Variants in SURF6 observed in about 807,000 individuals in gnomAD.
The protein encoded by SURF6 is surfeit 6, also known as surfeit locus protein 6.
Under a neutral mutation model 37.5 loss-of-function variants are expected in SURF6, and 28 were observed. The observed-to-expected ratio is 0.75, with a 90% CI of 0.55 to 1.02. The LOEUF is 1.02. Among genes scored for constraint, SURF6 ranks in the 50% least tolerant of loss-of-function variants. SURF6 has a pLI of 0.00. For synonymous variants in SURF6, 248 were observed against 210.9 expected (o/e 1.18, Z -1.52); for missense variants, 560 against 490.5 (o/e 1.14, Z -1.34).
At position 133,329,508 on chromosome 9, in the gene SURF6, CGTCACCGCT is replaced by C. The variant is rs1835668859; in HGVS notation, c.*2352_*2360del. On this transcript the variant is annotated 3_prime_UTR_variant, in exon 5 of 5. Coordinates refer to ENST00000372022, the MANE Select transcript of SURF6 (RefSeq NM_006753.6). ...CAACGGGCGTCTTCCCAGACGCTGG[CGTCACCGCT>C]AGACCAAGGAGCCCTCTGGTGGCCC... The C allele has an allele frequency of 1.3e-5, 3 of 236,844 alleles. No homozygotes were observed. In the East Asian group the frequency reaches 4.2e-4, roughly 33 times the overall value. The allele number at this position is 236,844 out of a possible 1,614,324, so 14.7% of individuals were successfully genotyped here. A position where few individuals can be genotyped will look rare whatever the true frequency, so the allele number is the denominator to read the frequency against.
chr9:133,331,892 G>A lies in SURF6; in HGVS notation c.1063C>T (p.Leu355=). The A allele has an allele frequency of 2.0e-6, 3 of 1,525,286 alleles. No individual in the cohort carries two copies. The highest frequency in any genetic ancestry group is 2.6e-5 in the South Asian group (2 of 77,588). The allele number at this position is 1,525,286 out of a possible 1,614,324, so 94.5% of individuals were successfully genotyped here. ...ACTCAGACCAGGCCTGCGCGCTCCA[G>A]GTCCTGCGGCAGGATGCGGCCCTTC... The part of the protein sequence containing the change: ...RKKGRILPQD[L]ERAGLV The change falls in exon 5 of 5, where the codon CTG becomes TTG. Residue 355 remains leucine (L), a synonymous_variant. Transcript: ENST00000372022.
intron 2 of SURF6, 110 bp downstream of exon 2, chr9:133,334,282 T>A (rs1002944761): frequency 1.0e-5 from 10 of 986,586 alleles, no homozygotes; most frequent in Non-Finnish European, 1.5e-5. Flanking sequence ...TCTCGTGCTA[T>A]CCCTGTGCGC....
In SURF6 at chr9:133,332,309, G is replaced by C; in HGVS notation, c.646C>G (p.Arg216Gly). Reference protein sequence around the residue: ...SEDEPASKAQRRKEKRQRVKG... With the variant: ...SEDEPASKAQGRKEKRQRVKG... ...ACCCTCTGCCTCTTCTCTTTTCTGC[G>C]CTGCGCCTTGCTGGCCGGCTCGTCT... The change falls in exon 5 of 5, where the codon CGC (arginine) becomes GGC (glycine). Residue 216 changes from arginine (R) to glycine (G), a missense_variant. Physicochemically the swap from Arg to Gly is moderately radical, Grantham distance 125. Coordinates refer to ENST00000372022, the MANE Select transcript of SURF6 (RefSeq NM_006753.6). 1.9e-6 allele frequency: 3 copies of C among 1,592,120 alleles called. No individual in the cohort carries two copies. The highest frequency in any genetic ancestry group is 1.7e-6 in the Non-Finnish European group (2 of 1,172,088).
chr9:133,332,738 G>T lies in SURF6; in HGVS notation c.416C>A (p.Pro139His). ...RGQGSAKELS[P>H]AALEKRRRRK... ...CCGCCGCCTTTTCTCCAAGGCGGCA[G>T]GGGACAGCTCCTTGGCACTGCCCTG... Residue 139 changes from proline to histidine, a missense_variant, in exon 4 of 5, where the codon CCT becomes CAT. Transcript: ENST00000372022. The T allele has an allele frequency of 6.2e-7, 1 of 1,611,344 alleles. No homozygotes were observed.
At position 133,331,168 on chromosome 9, in the gene SURF6, TTTA is replaced by T. The variant is rs1267868435; in HGVS notation, c.*698_*700del. ...CATTCACTTCACTCTCTCTCCAGCT[TTTA>T]TTCTTTCTTTCTCTTTCCCTAGGTC... On this transcript the variant is annotated 3_prime_UTR_variant, in exon 5 of 5. Transcript: ENST00000372022. 1.3e-5 allele frequency: 2 copies of T among 152,214 alleles called. No individual in the cohort carries two copies. Among genetic ancestry groups the T allele is most frequent in the Non-Finnish European group, 2.9e-5 (2 of 68,046 alleles). The allele number at this position is 152,214 out of a possible 1,614,324, so 9.4% of individuals were successfully genotyped here. A position where few individuals can be genotyped will look rare whatever the true frequency, so the allele number is the denominator to read the frequency against.
intron 1 of SURF6, 25 bp downstream of exon 1, chr9:133,336,014 G>A: frequency 6.2e-7 from 1 of 1,603,412 alleles, no homozygotes; most frequent in Non-Finnish European, 8.5e-7. Flanking sequence ...AGGCCCCTTA[G>A]TCCCGGCCCG....
Position 133,334,618 on chromosome 9 carries a change from GA to G in SURF6, c.95-18del, listed in dbSNP as rs918561767. On this transcript the variant is annotated intron_variant, in intron 1 of 4. Transcript: ENST00000372022. ...TTTTGCCAGCTGAAATGCAAAATAA[GA>G]AAGAGTTAAGTCCCAATCTCATGGC... 2.5e-6 allele frequency: 4 copies of G among 1,603,212 alleles called. No individual in the cohort carries two copies. The highest frequency in any genetic ancestry group is 1.3e-5 in the African/African-American group (1 of 74,748).
intron 2 of SURF6, 36 bp from the exon 3 acceptor site, chr9:133,333,842 T>C (rs2129925173): frequency 1.9e-6 from 3 of 1,572,034 alleles, no homozygotes; most frequent in South Asian, 1.1e-5. Context: ...GGGGGCCCTC[T>C]CTTCCCCTCC....
chr9:133,333,777 A>C lies in SURF6; in HGVS notation c.334T>G (p.Phe112Val). Residue 112 changes from phenylalanine to valine, a missense_variant, in exon 3 of 5, where the codon TTT becomes GTT. By Grantham distance (50) the Phe-to-Val change is conservative (BLOSUM62 -1). Coordinates refer to ENST00000372022, the MANE Select transcript of SURF6 (RefSeq NM_006753.6). ...CGCTGTCGCAGAACATCCAGAGCAA[A>C]GACAGACTCAGGCTCAGTGGCCAGG... ...DGLATEPESV[F>V]ALDVLRQRLH... The C allele has an allele frequency of 1.9e-6, 3 of 1,613,920 alleles. No individual in the cohort carries two copies. The highest frequency in any genetic ancestry group is 2.5e-6 in the Non-Finnish European group (3 of 1,179,936).
chr9:133,335,856 AC>A (rs2119046849), intron 1 of SURF6, among the ~76,000 whole-genome samples, 182 bp downstream of exon 1: 1 of 152,322 alleles, frequency 6.6e-6, no homozygotes, highest in African/African-American at 2.4e-5. Flanking sequence ...AGCCTGGACG[AC>A]AGAGCGAGAC....
chr9:133,334,634 A>G (rs2129928697), intron 1 of SURF6, 33 bp from the exon 2 acceptor site: 1 of 1,598,836 alleles, frequency 6.3e-7, no homozygotes. Context: ...GTTAAGTCCC[A>G]ATCTCATGGC....
rs2129917961 is a variant in SURF6 at position 133,332,360 on chromosome 9, G to C, written c.607-12C>G. 7 of 1,565,644 alleles carry C rather than the reference G, an allele frequency of 4.5e-6. No homozygotes were observed. Among genetic ancestry groups the C allele is most frequent in the Non-Finnish European group, 6.0e-6 (7 of 1,158,884 alleles). On this transcript the variant is annotated splice_polypyrimidine_tract_variant and intron_variant, in intron 4 of 4. Transcript: ENST00000372022. ...TCGCTCACCTCCACCTGGGAGGAAGGTATGACATCAGCTCATGCCAGCCCT... is the reference window on the plus strand; with the variant it reads ...TCGCTCACCTCCACCTGGGAGGAAGCTATGACATCAGCTCATGCCAGCCCT...
chr9:133,334,963 C>G (rs2129929597), intron 1 of SURF6, among the ~76,000 whole-genome samples: 1 of 152,218 alleles, frequency 6.6e-6, no homozygotes, highest in East Asian at 1.9e-4. Context: ...GTTATGTTTA[C>G]ATTTTTTCTT....
At position 133,333,804 on chromosome 9, in the gene SURF6, C is replaced by T. The variant is rs2129924984; in HGVS notation, c.307G>A (p.Gly103Ser). ...ASSSAGNPAD[G>S]LATEPESVFA... is the part of the protein sequence containing the mutation. The stretch of plus-strand genomic sequence containing the variant: ...ACAGACTCAGGCTCAGTGGCCAGGC[C>T]ATCTGCAGGGAAGGAGACAGGACTG... The change falls in exon 3 of 5, where the codon GGC becomes AGC. Residue 103 changes from glycine (G) to serine (S), a missense_variant and splice_region_variant. Gly to Ser is a moderately conservative substitution (Grantham distance 56). Transcript: ENST00000372022. The T allele has an allele frequency of 6.2e-7, 1 of 1,613,392 alleles. No individual in the cohort carries two copies. The highest frequency in any genetic ancestry group is 8.5e-7 in the Non-Finnish European group (1 of 1,179,696).
rs2129917027 is a variant in SURF6 at position 133,332,265 on chromosome 9, C to T, written c.690G>A (p.Pro230=). Reference sequence around the variant, plus strand: ...GCTGCCGGTAGTTCCTCCCGGTCAGCGGCGTGAGGTTCCCCTTCACCCTCT... The same window carrying T: ...GCTGCCGGTAGTTCCTCCCGGTCAGTGGCGTGAGGTTCCCCTTCACCCTCT... ...KRQRVKGNLT[P]LTGRNYRQLL... Residue 230 remains proline, a synonymous_variant, in exon 5 of 5, where the codon CCG becomes CCA. Coordinates refer to ENST00000372022, the MANE Select transcript of SURF6 (RefSeq NM_006753.6). 4.4e-6 allele frequency: 7 copies of T among 1,603,032 alleles called. 1 individual carries two copies. The highest frequency in any genetic ancestry group is 2.2e-5 in the South Asian group (2 of 91,024).
rs2129909216 is a variant in SURF6 at position 133,331,232 on chromosome 9, G to C, written c.*637C>G. ...GACCCAACTCACATGCGTGGACTCC[G>C]GGAAGGTACTGCTCCCTCCCTCCAA... On this transcript the variant is annotated 3_prime_UTR_variant, in exon 5 of 5. Coordinates refer to ENST00000372022, the MANE Select transcript of SURF6 (RefSeq NM_006753.6). 2 of 152,320 alleles carry C rather than the reference G, an allele frequency of 1.3e-5. No individual in the cohort carries two copies. Among genetic ancestry groups the C allele is most frequent in the African/African-American group, 4.8e-5 (2 of 41,546 alleles). The allele number at this position is 152,320 out of a possible 1,614,324, so 9.4% of individuals were successfully genotyped here. A position where few individuals can be genotyped will look rare whatever the true frequency, so the allele number is the denominator to read the frequency against.
intron 2 of SURF6, 48 bp downstream of exon 2, chr9:133,334,344 G>A: frequency 2.0e-6 from 3 of 1,518,006 alleles, no homozygotes; most frequent in Non-Finnish European, 2.7e-6. Flanking sequence ...CCCAAGCCCA[G>A]CCCCAGCCCC....
Position 133,329,322 on chromosome 9 carries a change from T to G in SURF6, c.*2547A>C, listed in dbSNP as rs1463936406. On this transcript the variant is annotated 3_prime_UTR_variant, in exon 5 of 5. Transcript: ENST00000372022. The stretch of plus-strand genomic sequence containing the variant: ...GGAGACGGTTAGGCCTCCAGATAAC[T>G]GCGGGCAGGCCTGCCGGATGTCAGG... 1 of 177,426 alleles carries G rather than the reference T, an allele frequency of 5.6e-6. No homozygotes were observed. Among genetic ancestry groups the G allele is most frequent in the African/African-American group, 2.4e-5 (1 of 41,914 alleles). The allele number at this position is 177,426 out of a possible 1,614,324, so 11.0% of individuals were successfully genotyped here. A position where few individuals can be genotyped will look rare whatever the true frequency, so the allele number is the denominator to read the frequency against.
In SURF6 at chr9:133,331,937, G is replaced by A; in HGVS notation, c.1018C>T (p.Arg340Cys). Residue 340 changes from arginine to cysteine, a missense_variant, in exon 5 of 5, where the codon CGC becomes TGC. Physicochemically the swap from Arg to Cys is radical, Grantham distance 180. Transcript: ENST00000372022. ...CCCTTCTTGCGGGCTCTGAGCAGGCGGCGCTCGGCGCGGGCCGCCTTCTTC... is the reference window on the plus strand; with the variant it reads ...CCCTTCTTGCGGGCTCTGAGCAGGCAGCGCTCGGCGCGGGCCGCCTTCTTC... Reference protein sequence around the residue: ...RRKKAARAERRLLRARKKGRI... With the variant: ...RRKKAARAERCLLRARKKGRI... 5 of 1,584,358 alleles carry A rather than the reference G, an allele frequency of 3.2e-6. No homozygotes were observed. Among genetic ancestry groups the A allele is most frequent in the Non-Finnish European group, 4.3e-6 (5 of 1,173,388 alleles).
Sources: gnomAD v4.1 joint callset for allele counts (sites outside exome capture counted in the v4.1 genomes callset) on GRCh38, gnomAD v4.1.1 for gene constraint, MANE v1.5 for transcripts, NCBI Gene and HGNC (gene_info 2026-07-23, HGNC 2026-07-21) for gene names.